APOO: variants seen among roughly 807,000 people sequenced by gnomAD.
The protein encoded by APOO is apolipoprotein O.
In APOO, 11 loss-of-function variants were observed where a neutral mutation model predicts 23.1. The ratio of observed to expected loss-of-function variants is 0.48; its 90% confidence interval spans 0.30 to 0.79. The LOEUF (loss-of-function observed/expected upper bound fraction) is 0.79, where lower values mean the gene tolerates loss of function less well. Ranked by LOEUF, APOO falls within the 30% of genes least tolerant of loss-of-function variation. The pLI is 0.07. For missense variants in APOO, 160 were observed against 142.7 expected (o/e 1.12, Z -0.62); for synonymous variants, 59 against 54.8 (o/e 1.08, Z -0.34).
Position 23,840,394 on chromosome X carries a change from A to C in APOO, c.562-17T>G. On this transcript the variant is annotated splice_polypyrimidine_tract_variant and intron_variant, in intron 7 of 8. Transcript: ENST00000379226. The stretch of plus-strand genomic sequence containing the variant: ...ATTTCCTGGCTTTTAAAACAAAAGA[A>C]AGAGCTTGAATGCAGTTTGAAAAGA... 8.4e-7 allele frequency: 1 copy of C among 1,193,147 alleles called. No homozygotes were observed. The highest frequency in any genetic ancestry group is 1.9e-5 in the South Asian group (1 of 53,745).
intron 3 of APOO, among the ~76,000 whole-genome samples, chrX:23,877,240 A>G (rs747350034): frequency 1.8e-5 from 2 of 112,461 alleles, no homozygotes; most frequent in Non-Finnish European, 3.8e-5. Context: ...CTTAACTACC[A>G]GAAGTTTAAA....
intron 3 of APOO, among the ~76,000 whole-genome samples, chrX:23,877,699 G>A (rs1477954739): frequency 2.8e-5 from 3 of 108,985 alleles, no homozygotes; most frequent in African/African-American, 1.0e-4. Flanking sequence ...GCTTGAACCC[G>A]GGAGGTGGAG....
At chrX:23,869,390 G>T (rs191018213) in intron 4 of APOO, among the ~76,000 whole-genome samples, 4 of 111,040 alleles carry the variant, frequency 3.6e-5, no homozygotes, top group African/African-American at 1.3e-4. Flanking sequence ...AAACAGAATA[G>T]ATTTGGATAA....
intron 1 of APOO, among the ~76,000 whole-genome samples, chrX:23,896,499 A>G (rs1229509933): frequency 3.6e-5 from 4 of 111,857 alleles, no homozygotes; most frequent in Non-Finnish European, 3.8e-5. Flanking sequence ...GAATTTTTGG[A>G]ATAAATATAA....
intron 7 of APOO, among the ~76,000 whole-genome samples, chrX:23,853,069 C>G (rs1237260337): frequency 9.1e-6 from 1 of 110,193 alleles, no homozygotes; most frequent in Non-Finnish European, 1.9e-5. Context: ...GCCAGCCTGA[C>G]CAACATGGTG....
chrX:23,878,886 C>G (rs5970803), intron 3 of APOO, 29 bp downstream of exon 3: 1 of 1,200,479 alleles, frequency 8.3e-7, no homozygotes, highest in South Asian at 1.8e-5. Flanking sequence ...AACAGAAATG[C>G]GTTCACTCCA....
At chrX:23,893,842 G>T (rs943321183) in intron 1 of APOO, among the ~76,000 whole-genome samples, 2 of 110,645 alleles carry the variant, frequency 1.8e-5, no homozygotes, top group East Asian at 5.7e-4. Flanking sequence ...AAAGTGCTGG[G>T]ATTATAGGCA....
chrX:23,876,671 C>T (rs1248510026), intron 3 of APOO, among the ~76,000 whole-genome samples: 9 of 110,678 alleles, frequency 8.1e-5, no homozygotes, highest in African/African-American at 2.3e-4. Flanking sequence ...TGGTAGCACA[C>T]GCCTGTAGTC....
At chrX:23,835,604 A>C (rs1923623669) in intron 8 of APOO, among the ~76,000 whole-genome samples, 1 of 111,984 alleles carries the variant, frequency 8.9e-6, no homozygotes, top group African/African-American at 3.2e-5. Context: ...GGAAATCATT[A>C]AGCAACTAGA....
intron 4 of APOO, among the ~76,000 whole-genome samples, chrX:23,871,390 G>A (rs1375140820): frequency 9.2e-6 from 1 of 108,543 alleles, no homozygotes; most frequent in Non-Finnish European, 1.9e-5. Context: ...AATACTGGAT[G>A]AATTAACAAA....
Position 23,843,434 on chromosome X carries a change from G to A in APOO, c.562-3057C>T, listed in dbSNP as rs771565450. On this transcript the variant is annotated intron_variant, in intron 7 of 8. Transcript: ENST00000379226. ...ACATTCTGACTTCAAAAAACAGTTC[G>A]TGATTTAGCACAAGCCAGAAATCAT... Among the ~76,000 whole-genome samples, 9 of 107,355 alleles carry A rather than the reference G, an allele frequency of 8.4e-5. No homozygotes were observed. In the South Asian group the frequency reaches 2.6e-3, roughly 31 times the overall value. The allele number at this position is 107,355 out of a possible 115,157, so 93.2% of individuals were successfully genotyped here. A position where few individuals can be genotyped will look rare whatever the true frequency, so the allele number is the denominator to read the frequency against.
chrX:23,907,003 T>C (rs757429359), intron 1 of APOO, among the ~76,000 whole-genome samples: 1 of 112,914 alleles, frequency 8.9e-6, no homozygotes, highest in South Asian at 3.6e-4. Context: ...TAATTTCTGG[T>C]AGCCTGTGAT....
rs143362355 is a variant in APOO at position 23,849,583 on chromosome X, TAAAAA to T, written c.561+6714_561+6718del. Reference sequence around the variant, plus strand: ...GGGAGCCTGTAGATTAAGAGAGACTTAAAAAAAAAAAAAAAAAAAAAAAAAAGTTC... The same window carrying T: ...GGGAGCCTGTAGATTAAGAGAGACTTAAAAAAAAAAAAAAAAAAAAAGTTC... On this transcript the variant is annotated intron_variant, in intron 7 of 8. Coordinates refer to ENST00000379226, the MANE Select transcript of APOO (RefSeq NM_024122.5). Among the ~76,000 whole-genome samples, 142 of 32,591 alleles carry T rather than the reference TAAAAA, an allele frequency of 4.4e-3. 3 individuals carry two copies. Among genetic ancestry groups the T allele is most frequent in the African/African-American group, 0.018 (133 of 7,229 alleles). The allele number at this position is 32,591 out of a possible 115,157, so 28.3% of individuals were successfully genotyped here. A position where few individuals can be genotyped will look rare whatever the true frequency, so the allele number is the denominator to read the frequency against.
rs755206500 is a variant in APOO at position 23,842,757 on chromosome X, C to T, written c.562-2380G>A. 5.3e-5 allele frequency among the ~76,000 whole-genome samples: 6 copies of T among 112,201 alleles called. No individual in the cohort carries two copies. In the South Asian group the frequency reaches 2.2e-3, roughly 41 times the overall value. ...GGCGTGGTGGCTCACGCCTGTAATC[C>T]CAGCACTTTGGGAGGCCAAGGTGGG... On this transcript the variant is annotated intron_variant, in intron 7 of 8. Transcript: ENST00000379226.
intron 1 of APOO, among the ~76,000 whole-genome samples, chrX:23,894,046 T>G (rs548589453): frequency 8.9e-6 from 1 of 111,935 alleles, no homozygotes; most frequent in Middle Eastern, 4.6e-3. Flanking sequence ...GATGTTTTCT[T>G]TTCAAAGCAG....
intron 1 of APOO, among the ~76,000 whole-genome samples, chrX:23,900,574 C>T (rs1466824926): frequency 1.9e-5 from 2 of 106,646 alleles, no homozygotes; most frequent in Non-Finnish European, 1.9e-5. Context: ...ACTTGGGAGG[C>T]TAAGGGAGGA....
At chrX:23,870,675 C>T (rs1925568456) in intron 4 of APOO, among the ~76,000 whole-genome samples, 2 of 109,521 alleles carry the variant, frequency 1.8e-5, no homozygotes, top group Admixed American at 2.0e-4. Context: ...TCTGTGGTCC[C>T]AGCTACTTGG....
At chrX:23,889,896 C>A (rs1009472042) in intron 1 of APOO, among the ~76,000 whole-genome samples, 1 of 109,811 alleles carries the variant, frequency 9.1e-6, no homozygotes, top group African/African-American at 3.3e-5. Flanking sequence ...CTTCTGACCT[C>A]GTGATCCGCC....
intron 5 of APOO, among the ~76,000 whole-genome samples, chrX:23,863,368 G>C (rs969051700): frequency 9.0e-6 from 1 of 111,337 alleles, no homozygotes; most frequent in East Asian, 2.8e-4. Context: ...TCTAGTCACA[G>C]CACCAAAGAA....
Sources: gnomAD v4.1 joint callset for allele counts (sites outside exome capture counted in the v4.1 genomes callset) on GRCh38, gnomAD v4.1.1 for gene constraint, MANE v1.5 for transcripts, NCBI Gene and HGNC (gene_info 2026-07-23, HGNC 2026-07-21) for gene names.